The following ZNF292 variants were observed in gnomAD, a reference collection of about 807,000 sequenced individuals.
ZNF292 encodes 16 zinc-finger domain protein.
In ZNF292, 26 loss-of-function variants were observed where a neutral mutation model predicts 217.9. The observed-to-expected ratio is 0.12, with a 90% CI of 0.09 to 0.17. The LOEUF is 0.17. ZNF292 is among the 10% of genes least tolerant of loss of function. The pLI, the probability that ZNF292 is intolerant of heterozygous loss-of-function variation, is 1.00. For synonymous variants in ZNF292, 1,257 were observed against 1,124.1 expected (o/e 1.12, Z -2.37); for missense variants, 2,904 against 3,175.2 (o/e 0.91, Z 2.05).
intron 4 of ZNF292, among the ~76,000 whole-genome samples, chr6:87,220,541 TAG>T: frequency 6.6e-6 from 1 of 152,294 alleles, no homozygotes; most frequent in South Asian, 2.1e-4. Flanking sequence ...CCTAATAAAA[TAG>T]AGTTGCACCT....
At position 87,259,114 on chromosome 6, in the gene ZNF292, G is replaced by A; in HGVS notation, c.5485G>A (p.Glu1829Lys). ...AACAAAAAGTAACATTCCTCAGTCTGAAGTATCACATAAGGAGGATCAAAT... is the reference window on the plus strand; with the variant it reads ...AACAAAAAGTAACATTCCTCAGTCTAAAGTATCACATAAGGAGGATCAAAT... The part of the protein sequence containing the change: ...MPTKSNIPQS[E>K]VSHKEDQIQE... Residue 1829 changes from glutamate (E) to lysine (K), a missense_variant, in exon 8 of 8, where the codon GAA becomes AAA. Physicochemically the swap from Glu to Lys is moderately conservative, Grantham distance 56. Transcript: ENST00000369577. 2 of 1,613,292 alleles carry A rather than the reference G, an allele frequency of 1.2e-6. No individual in the cohort carries two copies. Among genetic ancestry groups the A allele is most frequent in the Non-Finnish European group, 1.7e-6 (2 of 1,179,620 alleles).
chr6:87,238,553 TA>T (rs1774014804), intron 5 of ZNF292, among the ~76,000 whole-genome samples: 1 of 150,268 alleles, frequency 6.7e-6, no homozygotes, highest in African/African-American at 2.4e-5. Context: ...GCCTTATACA[TA>T]ATAGATAAAT....
chr6:87,191,523 C>T (rs1462035281), intron 1 of ZNF292, among the ~76,000 whole-genome samples: 3 of 152,104 alleles, frequency 2.0e-5, no homozygotes, highest in African/African-American at 7.2e-5. Context: ...TTTCTGGAAC[C>T]AGAATTTTTG....
Position 87,216,081 on chromosome 6 carries a change from A to G in ZNF292, c.323+24A>G, listed in dbSNP as rs200216243. On this transcript the variant is annotated intron_variant, in intron 2 of 7. Transcript: ENST00000369577. ...TTGTGAGTAGACCTTTGAGTAAATA[A>G]ACTAGATTTAGCTTTAAAAATACAT... 8.5e-5 allele frequency: 130 copies of G among 1,524,702 alleles called. No homozygotes were observed. The African/African-American group carries it at 1.6e-3, about 19-fold the overall frequency. The allele number at this position is 1,524,702 out of a possible 1,614,324, so 94.4% of individuals were successfully genotyped here.
At chr6:87,160,981 T>TA (rs56751367) in intron 1 of ZNF292, among the ~76,000 whole-genome samples, 1 of 152,164 alleles carries the variant, frequency 6.6e-6, no homozygotes, top group Admixed American at 6.5e-5. Context: ...TTTTTTTTTT[T>TA]AGTCCTTCTA....
chr6:87,192,641 A>G (rs1771851439), intron 1 of ZNF292, among the ~76,000 whole-genome samples: 1 of 152,206 alleles, frequency 6.6e-6, no homozygotes, highest in Non-Finnish European at 1.5e-5. Context: ...CCACACATAT[A>G]GACAATGCCT....
intron 1 of ZNF292, among the ~76,000 whole-genome samples, chr6:87,197,099 T>A (rs1771971742): frequency 6.6e-6 from 1 of 151,992 alleles, no homozygotes; most frequent in Non-Finnish European, 1.5e-5. Context: ...GTTAAAGAAG[T>A]GCAAATTAGA....
Position 87,256,571 on chromosome 6 carries a change from T to G in ZNF292, c.2942T>G (p.Leu981Trp), listed in dbSNP as rs1214057821. The change falls in exon 8 of 8, where the codon TTG becomes TGG. Residue 981 changes from leucine to tryptophan, a missense_variant. Leu to Trp is a moderately conservative substitution (Grantham distance 61). Transcript: ENST00000369577. ...HTPVEDTCNDLCHPGFQERKE... is the reference protein window; with the variant it reads ...HTPVEDTCNDWCHPGFQERKE... ...CCAGTTGAAGATACTTGTAATGATT[T>G]GTGTCATCCAGGTTTCCAGGAGAGA... The G allele has an allele frequency of 6.2e-7, 1 of 1,613,542 alleles. No homozygotes were observed. The highest frequency in any genetic ancestry group is 1.3e-5 in the African/African-American group (1 of 74,932).
chr6:87,155,855 T>C, intron 1 of ZNF292, 96 bp downstream of exon 1: 5 of 1,403,542 alleles, frequency 3.6e-6, no homozygotes, highest in Non-Finnish European at 2.8e-6. Context: ...GCCGCTTCCT[T>C]GGCATCATCG....
rs373846253 is a variant in ZNF292 at position 87,157,180 on chromosome 6, TAAAAAC to T, written c.168+1428_168+1433del. Reference sequence around the variant, plus strand: ...ATTATTTGATGGCTGTTCATAATCTTAAAAACAAAAACTGTGAGATCAAGTGGTGAC... The same window carrying T: ...ATTATTTGATGGCTGTTCATAATCTTAAAAACTGTGAGATCAAGTGGTGAC... On this transcript the variant is annotated intron_variant, in intron 1 of 7. Coordinates refer to ENST00000369577, the MANE Select transcript of ZNF292 (RefSeq NM_015021.3). Among the ~76,000 whole-genome samples the T allele has an allele frequency of 9.6e-3, 1,467 of 152,278 alleles. 32 individuals carry two copies. Among genetic ancestry groups the T allele is most frequent in the African/African-American group, 0.034 (1,413 of 41,526 alleles).
intron 7 of ZNF292, chr6:87,249,285 C>T (rs1774770752): frequency 3.3e-6 from 1 of 300,852 alleles, no homozygotes; most frequent in South Asian, 2.6e-5. Flanking sequence ...TACCATCACA[C>T]TTGGCTAATT....
At position 87,245,697 on chromosome 6, in the gene ZNF292, A is replaced by G. The variant is rs922936514; in HGVS notation, c.1020+53A>G. ...TTAAAATGTGTACATTATCATTAATAAAAGACTATAACTTTTATGATTTTG... is the reference window on the plus strand; with the variant it reads ...TTAAAATGTGTACATTATCATTAATGAAAGACTATAACTTTTATGATTTTG... On this transcript the variant is annotated intron_variant, in intron 7 of 7. Coordinates refer to ENST00000369577, the MANE Select transcript of ZNF292 (RefSeq NM_015021.3). The G allele has an allele frequency of 4.3e-6, 5 of 1,158,746 alleles. No homozygotes were observed. In the South Asian group the frequency reaches 8.0e-5, roughly 19 times the overall value. 71.8% of individuals were successfully genotyped at this position (1,158,746 alleles called of 1,614,324 possible). A position where few individuals can be genotyped will look rare whatever the true frequency, so the allele number is the denominator to read the frequency against.
chr6:87,225,018 A>G (rs3903920), intron 4 of ZNF292, among the ~76,000 whole-genome samples: 94,484 of 152,070 alleles, frequency 0.62, 30,680 homozygotes, highest in African/African-American at 0.81. Flanking sequence ...ACCCTTACCA[A>G]CAATTGGTAT....
chr6:87,233,388 A>G lies in ZNF292; in HGVS notation c.602A>G (p.Lys201Arg). 1 of 1,613,548 alleles carries G rather than the reference A, an allele frequency of 6.2e-7. No individual in the cohort carries two copies. Among genetic ancestry groups the G allele is most frequent in the Non-Finnish European group, 8.5e-7 (1 of 1,179,678 alleles). The change falls in exon 5 of 8, where the codon AAA becomes AGA. Residue 201 changes from lysine (K) to arginine (R), a missense_variant. Around this residue, in one of 15 missense-constraint regions of ZNF292, gnomAD observed 313 missense variants for 451.0 expected, o/e 0.69. Transcript: ENST00000369577. ...LLDMRIKHLI[K>R]TNQLSQATAL... is the part of the protein sequence containing the mutation. ...GATATGAGAATTAAACATCTAATCA[A>G]AACAAATCAGTTAAGTCAAGCAACT... is the stretch of plus-strand genomic sequence containing the variant.
chr6:87,178,391 A>T (rs1461249707), intron 1 of ZNF292, among the ~76,000 whole-genome samples: 1 of 152,186 alleles, frequency 6.6e-6, no homozygotes, highest in African/African-American at 2.4e-5. Context: ...TCTTTACTGA[A>T]ATTATGTTAC....
At chr6:87,223,506 T>G (rs770203958) in intron 4 of ZNF292, 2 of 152,226 alleles carry the variant, frequency 1.3e-5, no homozygotes, top group African/African-American at 2.4e-5. Flanking sequence ...GAAATTACAA[T>G]GTGCAGCCCA....
intron 1 of ZNF292, among the ~76,000 whole-genome samples, chr6:87,180,078 C>T (rs1277576669): frequency 6.6e-6 from 1 of 152,160 alleles, no homozygotes; most frequent in Non-Finnish European, 1.5e-5. Context: ...TCTTGGCTTC[C>T]CTGGGCCACA....
At chr6:87,188,940 C>G (rs1439769962) in intron 1 of ZNF292, among the ~76,000 whole-genome samples, 1 of 152,082 alleles carries the variant, frequency 6.6e-6, no homozygotes, top group Non-Finnish European at 1.5e-5. Context: ...CACCGTGGCT[C>G]TTGCCTGTAA....
chr6:87,203,556 C>A (rs1474438291), intron 1 of ZNF292, among the ~76,000 whole-genome samples: 1 of 151,680 alleles, frequency 6.6e-6, no homozygotes, highest in East Asian at 1.9e-4. Context: ...TAATTCAGTC[C>A]TGAAGCCATT....
Sources: allele counts gnomAD v4.1 joint callset (sites outside exome capture counted in the v4.1 genomes callset), GRCh38; gene constraint gnomAD v4.1.1; regional missense constraint gnomAD v4.1.1; transcripts MANE v1.5; gene names NCBI Gene and HGNC (gene_info 2026-07-23, HGNC 2026-07-21).